The following C11orf65 variants were observed in gnomAD, a reference collection of about 807,000 sequenced individuals.
The protein encoded by C11orf65 is chromosome 11 open reading frame 65.
In C11orf65, 38 loss-of-function variants were observed where a neutral mutation model predicts 35.3. That is an observed-to-expected ratio of 1.08 (90% CI 0.83 to 1.41). C11orf65 has a LOEUF of 1.41. C11orf65 is among the 40% of genes most tolerant of loss of function. The pLI is 0.00. For synonymous variants in C11orf65, 105 were observed against 114.4 expected (o/e 0.92, Z 0.53); for missense variants, 370 against 367.1 (o/e 1.01, Z -0.06).
intron 6 of C11orf65, among the ~76,000 whole-genome samples, chr11:108,321,647 G>T (rs947574822): frequency 6.6e-6 from 1 of 152,046 alleles, no homozygotes; most frequent in African/African-American, 2.4e-5. Flanking sequence ...GCCAGGTATG[G>T]TGGTGGGCGC....
chr11:108,348,683 A>C (rs922527404), intron 2 of C11orf65, among the ~76,000 whole-genome samples: 1 of 152,144 alleles, frequency 6.6e-6, no homozygotes, highest in African/African-American at 2.4e-5. Context: ...AAAATAATTA[A>C]AGGAAATAAG....
downstream of C11orf65, among the ~76,000 whole-genome samples, chr11:108,382,437 G>A (rs1244242459): frequency 6.6e-6 from 1 of 151,986 alleles, no homozygotes; most frequent in Non-Finnish European, 1.5e-5. Context: ...AGCAAGTAAA[G>A]AGAAAAATGT....
intron 6 of C11orf65, chr11:108,312,536 A>C: frequency 1.4e-6 from 2 of 1,439,562 alleles, no homozygotes; most frequent in Non-Finnish European, 2.0e-6. Context: ...GACAGTATTT[A>C]TCTCATACTT....
chr11:108,343,061 T>C (rs1309166298), intron 2 of C11orf65, among the ~76,000 whole-genome samples: 1 of 152,230 alleles, frequency 6.6e-6, no homozygotes, highest in Non-Finnish European at 1.5e-5. Context: ...CTTAAGTTTA[T>C]TTCCGATTGG....
Position 108,335,030 on chromosome 11 carries a change from G to A in C11orf65, c.299+190C>T, listed in dbSNP as rs876658385. On this transcript the variant is annotated intron_variant, in intron 3 of 3. Transcript: ENST00000524755. ...ATACAGTCATTTAAAGCAGAATTTC[G>A]CTTAGCAGGAGGTGTAAATTTACCA... The A allele has an allele frequency of 6.8e-6, 11 of 1,613,794 alleles. No individual in the cohort carries two copies. The highest frequency in any genetic ancestry group is 4.4e-5 in the South Asian group (4 of 91,080).
intron 6 of C11orf65, among the ~76,000 whole-genome samples, chr11:108,404,221 T>C (rs925611461): frequency 2.0e-5 from 3 of 152,236 alleles, no homozygotes; most frequent in African/African-American, 4.8e-5. Context: ...AGGATTTCCC[T>C]TCCCCTCTGT....
At chr11:108,378,265 A>G (rs2091780438), downstream of C11orf65, among the ~76,000 whole-genome samples, 1 of 149,560 alleles carries the variant, frequency 6.7e-6, no homozygotes, top group African/African-American at 2.4e-5. Context: ...ACAGCATGGT[A>G]CTGGTACCAA....
chr11:108,401,114 A>G (rs1417083371), intron 6 of C11orf65, among the ~76,000 whole-genome samples: 1 of 149,452 alleles, frequency 6.7e-6, no homozygotes, highest in Non-Finnish European at 1.5e-5. Flanking sequence ...GTCTCAAAGA[A>G]AAAAAAAAAG....
At chr11:108,440,207 T>C (rs1174416296) in intron 2 of C11orf65, among the ~76,000 whole-genome samples, 1 of 152,234 alleles carries the variant, frequency 6.6e-6, no homozygotes, top group Admixed American at 6.5e-5. Flanking sequence ...TTGCCCTTTC[T>C]AGCTTAACCC....
chr11:108,348,589 A>C (rs904906742), intron 2 of C11orf65, among the ~76,000 whole-genome samples: 2 of 151,842 alleles, frequency 1.3e-5, no homozygotes, highest in Non-Finnish European at 1.5e-5. Flanking sequence ...TGTAATGTAA[A>C]GAAGTGTGAA....
downstream of C11orf65, among the ~76,000 whole-genome samples, chr11:108,328,439 T>A (rs956578792): frequency 4.6e-5 from 7 of 152,082 alleles, no homozygotes; most frequent in African/African-American, 1.7e-4. Context: ...GTAGAGACGG[T>A]TTCGCCACAT....
intron 3 of C11orf65, among the ~76,000 whole-genome samples, chr11:108,415,343 C>T (rs867122864): frequency 2.6e-5 from 4 of 152,080 alleles, no homozygotes; most frequent in Admixed American, 6.5e-5. Context: ...TTTTAAAACA[C>T]ATTGTCATTT....
intron 2 of C11orf65, among the ~76,000 whole-genome samples, chr11:108,452,581 A>G (rs921554332): frequency 6.6e-6 from 1 of 152,218 alleles, no homozygotes; most frequent in African/African-American, 2.4e-5. Context: ...CCATTGTAGA[A>G]GACAGTGTGG....
chr11:108,404,366 C>A (rs952066327), intron 6 of C11orf65, among the ~76,000 whole-genome samples: 1 of 152,140 alleles, frequency 6.6e-6, no homozygotes, highest in Admixed American at 6.5e-5. Context: ...CAAGATAAGG[C>A]CTTAAAAAGC....
intron 2 of C11orf65, among the ~76,000 whole-genome samples, chr11:108,444,364 T>A (rs997811976): frequency 6.6e-6 from 1 of 152,024 alleles, no homozygotes; most frequent in Non-Finnish European, 1.5e-5. Flanking sequence ...ACCAGACGGA[T>A]TCACAGCCGA....
intron 2 of C11orf65, among the ~76,000 whole-genome samples, chr11:108,435,879 G>A (rs1413734392): frequency 6.6e-6 from 1 of 152,148 alleles, no homozygotes; most frequent in Non-Finnish European, 1.5e-5. Flanking sequence ...TCTGTAATGT[G>A]TAAATATGCT....
At chr11:108,368,190 G>A (rs1384540603) in intron 2 of C11orf65, 6 of 203,434 alleles carry the variant, frequency 2.9e-5, no homozygotes, top group Non-Finnish European at 3.0e-5. Flanking sequence ...ATTCACAGAT[G>A]ACAGAATTAA....
At chr11:108,381,644 C>A (rs373075471), downstream of C11orf65, among the ~76,000 whole-genome samples, 1 of 152,050 alleles carries the variant, frequency 6.6e-6, no homozygotes, top group Non-Finnish European at 1.5e-5. Flanking sequence ...ATTTCTAATT[C>A]TCTAATTTCT....
At chr11:108,408,632 C>T (rs1485586866) in intron 3 of C11orf65, among the ~76,000 whole-genome samples, 2 of 136,570 alleles carry the variant, frequency 1.5e-5, no homozygotes, top group South Asian at 2.3e-4. Context: ...GCAGAGATTG[C>T]ACCACTGCAC....
Sources: allele counts gnomAD v4.1 joint callset (sites outside exome capture counted in the v4.1 genomes callset), GRCh38; gene constraint gnomAD v4.1.1; transcripts MANE v1.5; gene names NCBI Gene and HGNC (gene_info 2026-07-23, HGNC 2026-07-21).